The following ADAMTSL2 variants were observed in gnomAD, a reference collection of about 807,000 sequenced individuals.
ADAMTSL2 encodes the protein ADAMTS like 2, also known as ADAMTS-like protein 2.
ADAMTSL2 carries 55 observed loss-of-function variants against 117.0 expected under a neutral mutation model. The ratio of observed to expected loss-of-function variants is 0.47; its 90% CI spans 0.38 to 0.59. The LOEUF (loss-of-function observed/expected upper bound fraction) is 0.59, where lower values mean the gene tolerates loss of function less well. Among genes scored for constraint, ADAMTSL2 ranks in the 20% least tolerant of loss-of-function variants. The pLI, the probability that ADAMTSL2 is intolerant of heterozygous loss-of-function variation, is 0.00. For synonymous variants in ADAMTSL2, 572 were observed against 566.4 expected (o/e 1.01, Z -0.14); for missense variants, 1,182 against 1,354.5 (o/e 0.87, Z 2.00).
chr9:133,554,615 G>C lies in ADAMTSL2; in HGVS notation c.1198G>C (p.Gly400Arg). Residue 400 changes from glycine (G) to arginine (R), a missense_variant, in exon 10 of 19, where the codon GGC (glycine) becomes CGC (arginine). Physicochemically the swap from Gly to Arg is moderately radical, Grantham distance 125. Around this residue, in one of 3 missense-constraint regions of ADAMTSL2, gnomAD observed 345 missense variants for 325.8 expected, o/e 1.06. Transcript: ENST00000651351. This position sits in a 1 kb window ranked among gnomAD's most constrained non-coding sequence, Gnocchi z 5.2. ...GLDMELGPSQ[G>R]QETNEVCEQA... is the part of the protein sequence containing the mutation. ...GGACATGGAGCTGGGCCCCAGCCAGGGCCAGGAGACCAACGAGGTGTGCGA... is the reference window on the plus strand; with the variant it reads ...GGACATGGAGCTGGGCCCCAGCCAGCGCCAGGAGACCAACGAGGTGTGCGA... The C allele has an allele frequency of 1.3e-6, 2 of 1,547,166 alleles. No homozygotes were observed. The highest frequency in any genetic ancestry group is 2.4e-5 in the South Asian group (2 of 84,182).
In ADAMTSL2 at chr9:133,554,638, C is replaced by T; in HGVS notation, c.1221C>T (p.Cys407=). 6.5e-7 allele frequency: 1 copy of T among 1,538,066 alleles called. No individual in the cohort carries two copies. The highest frequency in any genetic ancestry group is 8.8e-7 in the Non-Finnish European group (1 of 1,138,478). ...PSQGQETNEV[C]EQAGGGACEG... The stretch of plus-strand genomic sequence containing the variant: ...AGGGCCAGGAGACCAACGAGGTGTG[C>T]GAGCAGGCCGGCGGCGGGGCCTGCG... Residue 407 remains cysteine (C), a synonymous_variant, in exon 10 of 19, where the codon TGC becomes TGT. Coordinates refer to ENST00000651351, the MANE Select transcript of ADAMTSL2 (RefSeq NM_014694.4). The surrounding 1 kb of genome is among the most constrained non-coding windows in gnomAD (Gnocchi z 5.2).
Position 133,561,212 on chromosome 9 carries a change from C to A in ADAMTSL2, c.1664C>A (p.Ala555Glu). 1 of 1,607,308 alleles carries A rather than the reference C, an allele frequency of 6.2e-7. No homozygotes were observed. Among genetic ancestry groups the A allele is most frequent in the Non-Finnish European group, 8.5e-7 (1 of 1,177,424 alleles). Residue 555 changes from alanine (A) to glutamate (E), a missense_variant, in exon 12 of 19, where the codon GCG becomes GAG. Transcript: ENST00000651351. ...CTCGCTTTCAGGACCAGGCCCAAGG[C>A]GCGCAAGCAAGGCGTGAGTCCCGCG... ...RTHKARTRPK[A>E]RKQGVSPADM...
chr9:133,537,336 T>G, intron 2 of ADAMTSL2, 69 bp from the exon 3 acceptor site: 1 of 1,312,942 alleles, frequency 7.6e-7, no homozygotes, highest in Non-Finnish European at 9.8e-7. Flanking sequence ...CCCTCGGGCA[T>G]GGGGTGGGGG....
chr9:133,574,673 G>A, intron 18 of ADAMTSL2, 73 bp from the exon 19 acceptor site: 3 of 1,330,074 alleles, frequency 2.3e-6, no homozygotes, highest in Non-Finnish European at 3.3e-6. Flanking sequence ...AACGGCACGT[G>A]GGGGTCCCTG....
Position 133,537,461 on chromosome 9 carries a change from G to T in ADAMTSL2, c.147G>T (p.Trp49Cys). Reference protein sequence around the residue: ...LEGGTDATAFWWGEWTKWTAC... With the variant: ...LEGGTDATAFCWGEWTKWTAC... ...GGGGCACCGACGCCACGGCCTTCTG[G>T]TGGGGGGAGTGGACCAAGTGGACGG... The change falls in exon 3 of 19, where the codon TGG becomes TGT. Residue 49 changes from tryptophan (W) to cysteine (C), a missense_variant. Coordinates refer to ENST00000651351, the MANE Select transcript of ADAMTSL2 (RefSeq NM_014694.4). 1 of 1,359,440 alleles carries T rather than the reference G, an allele frequency of 7.4e-7. No individual in the cohort carries two copies. The highest frequency in any genetic ancestry group is 2.3e-5 in the South Asian group (1 of 43,824). The allele number at this position is 1,359,440 out of a possible 1,614,324, so 84.2% of individuals were successfully genotyped here.
At chr9:133,535,618 T>C (rs995141789) in intron 1 of ADAMTSL2, among the ~76,000 whole-genome samples, 1 of 152,138 alleles carries the variant, frequency 6.6e-6, no homozygotes, top group East Asian at 1.9e-4. Flanking sequence ...CCCCTGGAAT[T>C]GGCCAGGCGT....
chr9:133,545,599 G>A (rs372660594), intron 8 of ADAMTSL2, among the ~76,000 whole-genome samples: 3 of 152,214 alleles, frequency 2.0e-5, no homozygotes, highest in Non-Finnish European at 2.9e-5. Flanking sequence ...TGGCCCGAGC[G>A]GGGAGCCGGG....
At position 133,538,719 on chromosome 9, in the gene ADAMTSL2, G is replaced by A. The variant is rs938480626; in HGVS notation, c.309+295G>A. 2.6e-5 allele frequency among the ~76,000 whole-genome samples: 4 copies of A among 152,132 alleles called. No individual in the cohort carries two copies. In the South Asian group the frequency reaches 6.2e-4, roughly 24 times the overall value. On this transcript the variant is annotated intron_variant, in intron 4 of 18. Coordinates refer to ENST00000651351, the MANE Select transcript of ADAMTSL2 (RefSeq NM_014694.4). ...GCCTCAAGGTTTGGGGTCTCTGGTC[G>A]CAGCTCCACTTTACTCACAACATTC...
In ADAMTSL2 at chr9:133,561,082, G is replaced by A. The variant is rs957210128; in HGVS notation, c.1650-116G>A. The stretch of plus-strand genomic sequence containing the variant: ...GAGGGTCGGCCCGGGGCTCAGGACA[G>A]GTGTGTGCTTCAGGCGAACATACCC... On this transcript the variant is annotated intron_variant, in intron 11 of 18. Coordinates refer to ENST00000651351, the MANE Select transcript of ADAMTSL2 (RefSeq NM_014694.4). 114 of 852,622 alleles carry A rather than the reference G, an allele frequency of 1.3e-4. No homozygotes were observed. The African/African-American group carries it at 1.7e-3, about 13-fold the overall frequency. The allele number at this position is 852,622 out of a possible 1,614,324, so 52.8% of individuals were successfully genotyped here.
intron 8 of ADAMTSL2, 140 bp downstream of exon 8, chr9:133,544,690 C>A: frequency 1.2e-6 from 1 of 809,106 alleles, no homozygotes. Flanking sequence ...GCTGCAGGAG[C>A]CAGAACTTGA....
chr9:133,560,834 G>A (rs1830710012), intron 11 of ADAMTSL2, among the ~76,000 whole-genome samples: 1 of 152,208 alleles, frequency 6.6e-6, no homozygotes, highest in African/African-American at 2.4e-5. Context: ...GAACCCACTA[G>A]CTGATGTGAG....
intron 8 of ADAMTSL2, 139 bp downstream of exon 8, chr9:133,544,689 GC>G: frequency 1.2e-6 from 1 of 809,774 alleles, no homozygotes; most frequent in Non-Finnish European, 2.1e-6. Flanking sequence ...GGCTGCAGGA[GC>G]CAGAACTTGA....
chr9:133,533,160 T>A (rs968739879), upstream of ADAMTSL2, among the ~76,000 whole-genome samples: 1 of 115,008 alleles, frequency 8.7e-6, no homozygotes, highest in Non-Finnish European at 1.8e-5. Context: ...GGTGTGTGTG[T>A]GCCTGTGTGT....
At chr9:133,535,005 C>T in intron 1 of ADAMTSL2, 88 bp downstream of exon 1, 2 of 1,305,082 alleles carry the variant, frequency 1.5e-6, no homozygotes, top group South Asian at 2.2e-5. Flanking sequence ...TAGGAGCACC[C>T]CGCGCCCTCT....
chr9:133,547,351 C>T (rs1830376759), intron 9 of ADAMTSL2, 138 bp downstream of exon 9: 7 of 800,000 alleles, frequency 8.7e-6, no homozygotes, highest in East Asian at 2.5e-5. Context: ...CACCACTCTG[C>T]GTGGGCTGGG....
intron 3 of ADAMTSL2, 140 bp downstream of exon 3, chr9:133,537,687 C>G: frequency 6.9e-6 from 7 of 1,010,812 alleles, no homozygotes; most frequent in Non-Finnish European, 8.9e-6. Context: ...CTGAGTCCCC[C>G]CATCAGCCTC....
At chr9:133,542,633 A>G (rs1354985359) in intron 7 of ADAMTSL2, among the ~76,000 whole-genome samples, 2 of 152,186 alleles carry the variant, frequency 1.3e-5, no homozygotes, top group African/African-American at 4.8e-5. Context: ...TGGCACTATT[A>G]CTGTTGCTGA....
intron 4 of ADAMTSL2, among the ~76,000 whole-genome samples, chr9:133,538,811 C>CA (rs1354695501): frequency 6.6e-6 from 1 of 152,124 alleles, no homozygotes; most frequent in Non-Finnish European, 1.5e-5. Flanking sequence ...CAGTACCCCC[C>CA]ACGCCATAAA....
At chr9:133,544,863 C>G (rs191948162) in intron 8 of ADAMTSL2, among the ~76,000 whole-genome samples, 1 of 152,096 alleles carries the variant, frequency 6.6e-6, no homozygotes, top group Non-Finnish European at 1.5e-5. Flanking sequence ...AGCTGGGGGC[C>G]GCTGCAGATG....
Sources: gnomAD v4.1 joint callset for allele counts (sites outside exome capture counted in the v4.1 genomes callset) on GRCh38, gnomAD v4.1.1 for gene constraint, gnomAD v4.1.1 regional missense constraint, Gnocchi (gnomAD v3.1) non-coding constraint, MANE v1.5 for transcripts, NCBI Gene and HGNC (gene_info 2026-07-23, HGNC 2026-07-21) for gene names.